Variants in TRPC3 observed in about 807,000 individuals in gnomAD.
The protein encoded by TRPC3 is transient receptor potential cation channel subfamily C member 3.
TRPC3 carries 54 observed loss-of-function variants against 90.9 expected under a neutral mutation model. That is an observed-to-expected ratio of 0.59 (90% confidence interval 0.48 to 0.75). The LOEUF (loss-of-function observed/expected upper bound fraction) is 0.75, where lower values mean the gene tolerates loss of function less well. Ranked by LOEUF, TRPC3 falls within the 30% of genes least tolerant of loss-of-function variation. The pLI, the probability that TRPC3 is intolerant of heterozygous loss-of-function variation, is 0.00. For synonymous variants in TRPC3, 424 were observed against 450.9 expected, an observed-to-expected ratio of 0.94 and a Z score of 0.75; for missense variants, 918 against 1,194.5, an observed-to-expected ratio of 0.77 and a Z score of 3.41.
intron 3 of TRPC3, among the ~76,000 whole-genome samples, chr4:121,921,931 T>G (rs1391361714): frequency 6.7e-6 from 1 of 149,938 alleles, no homozygotes. Flanking sequence ...TTTTTTTTTT[T>G]TTTTCGAGTC....
Position 121,879,809 on chromosome 4 carries a change from G to T in TRPC3, c.2693C>A (p.Ala898Glu). 6.2e-7 allele frequency: 1 copy of T among 1,607,894 alleles called. No homozygotes were observed. The highest frequency in any genetic ancestry group is 8.5e-7 in the Non-Finnish European group (1 of 1,178,058). Residue 898 changes from alanine (A) to glutamate (E), a missense_variant, in exon 12 of 12, where the codon GCA becomes GAA. This residue lies in a region of TRPC3 where 41 missense variants were observed against 69.4 expected (regional missense o/e 0.59). Coordinates refer to ENST00000379645, the MANE Select transcript of TRPC3 (RefSeq NM_001130698.2). ...AATTAGAATGGCTAATTCCTCAGTTGCTTGGCTCTTGTCTTCCAAAAGTTC... is the reference window on the plus strand; with the variant it reads ...AATTAGAATGGCTAATTCCTCAGTTTCTTGGCTCTTGTCTTCCAAAAGTTC... The part of the protein sequence containing the change: ...RYELLEDKSQ[A>E]TEELAILIHK...
chr4:121,889,366 A>G (rs897066202), intron 10 of TRPC3, among the ~76,000 whole-genome samples: 1 of 152,212 alleles, frequency 6.6e-6, no homozygotes, highest in Admixed American at 6.5e-5. Flanking sequence ...AGAAACTTAA[A>G]CAACTCAACA....
intron 1 of TRPC3, among the ~76,000 whole-genome samples, chr4:121,943,450 G>A (rs2149153010): frequency 6.6e-6 from 1 of 152,096 alleles, no homozygotes; most frequent in African/African-American, 2.4e-5. Context: ...ATTTTATCAG[G>A]ATAATCTAGA....
intron 1 of TRPC3, among the ~76,000 whole-genome samples, chr4:121,940,330 C>A (rs1392596388): frequency 1.3e-5 from 2 of 152,186 alleles, no homozygotes; most frequent in African/African-American, 4.8e-5. Context: ...AAAAACAAAA[C>A]AAAATTTAAA....
intron 6 of TRPC3, among the ~76,000 whole-genome samples, chr4:121,908,494 G>A (rs1365293570): frequency 6.6e-6 from 1 of 151,994 alleles, no homozygotes; most frequent in African/African-American, 2.4e-5. Flanking sequence ...CATCAACAGT[G>A]GACTGGATAC....
At chr4:121,903,152 T>A in intron 8 of TRPC3, 91 bp from the exon 9 acceptor site, 1 of 1,182,718 alleles carries the variant, frequency 8.5e-7, no homozygotes, top group Admixed American at 2.7e-5. Context: ...GAATCTAAGT[T>A]ACGTTTTTGA....
At chr4:121,944,950 G>A (rs769242736) in intron 1 of TRPC3, among the ~76,000 whole-genome samples, 2 of 152,238 alleles carry the variant, frequency 1.3e-5, no homozygotes, top group Non-Finnish European at 2.9e-5. Context: ...ATGGCCTGGG[G>A]CTGCTGTGAA....
At chr4:121,916,581 G>A (rs918100405) in intron 3 of TRPC3, among the ~76,000 whole-genome samples, 1 of 152,198 alleles carries the variant, frequency 6.6e-6, no homozygotes, top group African/African-American at 2.4e-5. Context: ...GGAAGAGGCA[G>A]GAGAGCTCGC....
At chr4:121,930,059 A>G (rs531057858) in intron 2 of TRPC3, among the ~76,000 whole-genome samples, 4 of 152,220 alleles carry the variant, frequency 2.6e-5, no homozygotes, top group African/African-American at 9.6e-5. Context: ...GTCTGTCTAA[A>G]GCCCTGACAG....
chr4:121,945,820 T>C (rs533784513), intron 1 of TRPC3, among the ~76,000 whole-genome samples: 224 of 152,296 alleles, frequency 1.5e-3, no homozygotes, highest in African/African-American at 5.2e-3. Context: ...CTTGCCCAGT[T>C]CGTCAATACT....
intron 4 of TRPC3, among the ~76,000 whole-genome samples, chr4:121,913,619 G>GA (rs1181186753): frequency 6.6e-6 from 1 of 152,170 alleles, no homozygotes; most frequent in African/African-American, 2.4e-5. Flanking sequence ...ATTTCCTTCA[G>GA]AAAAGAAAAT....
At chr4:121,902,792 A>C in intron 9 of TRPC3, 60 bp downstream of exon 9, 2 of 1,300,776 alleles carry the variant, frequency 1.5e-6, no homozygotes, top group Non-Finnish European at 2.1e-6. Context: ...AAACATCAGA[A>C]GACAAGAAAA....
intron 3 of TRPC3, among the ~76,000 whole-genome samples, chr4:121,919,600 CAGT>C (rs1223067749): frequency 6.6e-6 from 1 of 152,236 alleles, no homozygotes; most frequent in African/African-American, 2.4e-5. Flanking sequence ...TCCAACGTCT[CAGT>C]GGTGTATTTA....
intron 10 of TRPC3, among the ~76,000 whole-genome samples, chr4:121,897,306 C>T (rs779613570): frequency 6.6e-6 from 1 of 150,930 alleles, no homozygotes; most frequent in Non-Finnish European, 1.5e-5. Flanking sequence ...CATACCAAAC[C>T]AAAGGCTTCT....
rs1727785111 is a variant in TRPC3 at position 121,877,148 on chromosome 4, A to G, written c.*2588T>C. 6.6e-6 allele frequency among the ~76,000 whole-genome samples: 1 copy of G among 152,174 alleles called. No homozygotes were observed. Among genetic ancestry groups the G allele is most frequent in the Admixed American group, 6.5e-5 (1 of 15,278 alleles). ...AAGTGAAGGACTAATTCTGACAGCA[A>G]TCCCCTCGACTAATCCTCATCTCAA... On this transcript the variant is annotated 3_prime_UTR_variant, in exon 12 of 12. Transcript: ENST00000379645.
At position 121,911,866 on chromosome 4, in the gene TRPC3, A is replaced by G. The variant is rs781153555; in HGVS notation, c.1558+11T>C. On this transcript the variant is annotated intron_variant, in intron 5 of 11. Coordinates refer to ENST00000379645, the MANE Select transcript of TRPC3 (RefSeq NM_001130698.2). ...TGGTAGAAATTAGGATATTTAAAAT[A>G]AAAGACTTACCAAGAACCCAGACCA... 1 of 1,601,504 alleles carries G rather than the reference A, an allele frequency of 6.2e-7. No individual in the cohort carries two copies. Among genetic ancestry groups the G allele is most frequent in the Non-Finnish European group, 8.5e-7 (1 of 1,174,406 alleles).
At position 121,878,392 on chromosome 4, in the gene TRPC3, G is replaced by A. The variant is rs1727829055; in HGVS notation, c.*1344C>T. Among the ~76,000 whole-genome samples the A allele has an allele frequency of 6.6e-6, 1 of 152,142 alleles. No homozygotes were observed. The highest frequency in any genetic ancestry group is 1.5e-5 in the Non-Finnish European group (1 of 68,026). Reference sequence around the variant, plus strand: ...TATTTAGTTGGTTTTAAGGACCTCTGAAAATCTTTGATCTATGATCACAAT... The same window carrying A: ...TATTTAGTTGGTTTTAAGGACCTCTAAAAATCTTTGATCTATGATCACAAT... On this transcript the variant is annotated 3_prime_UTR_variant, in exon 12 of 12. Transcript: ENST00000379645.
At chr4:121,931,690 G>A (rs1729936054) in intron 2 of TRPC3, among the ~76,000 whole-genome samples, 1 of 152,144 alleles carries the variant, frequency 6.6e-6, no homozygotes, top group African/African-American at 2.4e-5. Flanking sequence ...TCAGTGAAGT[G>A]ACTTTAATAG....
At position 121,879,492 on chromosome 4, in the gene TRPC3, T is replaced by C. The variant is rs1034631539; in HGVS notation, c.*244A>G. The stretch of plus-strand genomic sequence containing the variant: ...GTTTACTCTAAAATGAATAAAAGTT[T>C]CAATAATATAGTAATATTGGGCTTT... On this transcript the variant is annotated 3_prime_UTR_variant, in exon 12 of 12. Coordinates refer to ENST00000379645, the MANE Select transcript of TRPC3 (RefSeq NM_001130698.2). 2.4e-6 allele frequency: 1 copy of C among 414,372 alleles called. No homozygotes were observed. The highest frequency in any genetic ancestry group is 2.1e-5 in the African/African-American group (1 of 47,104). The allele number at this position is 414,372 out of a possible 1,614,324, so 25.7% of individuals were successfully genotyped here.
Sources: allele counts gnomAD v4.1 joint callset (sites outside exome capture counted in the v4.1 genomes callset), GRCh38; gene constraint gnomAD v4.1.1; regional missense constraint gnomAD v4.1.1; transcripts MANE v1.5; gene names NCBI Gene and HGNC (gene_info 2026-07-23, HGNC 2026-07-21).